Variants in SNX30 observed in about 807,000 individuals in gnomAD.
SNX30 encodes sorting nexin family member 30.
In SNX30, 24 loss-of-function variants were observed where a neutral mutation model predicts 46.4. The observed-to-expected ratio is 0.52, with a 90% CI of 0.37 to 0.73. SNX30 has a LOEUF of 0.73. Ranked by LOEUF, SNX30 falls within the 30% of genes least tolerant of loss-of-function variation. SNX30 has a pLI of 0.00. For missense variants in SNX30, 533 were observed against 555.7 expected (o/e 0.96, Z 0.41); for synonymous variants, 189 against 211.5 (o/e 0.89, Z 0.92).
chr9:112,762,942 C>G (rs1353130341), intron 1 of SNX30, among the ~76,000 whole-genome samples: 1 of 152,212 alleles, frequency 6.6e-6, no homozygotes. Context: ...GCTCTCTTTA[C>G]TCATTGGTTG....
At chr9:112,787,993 G>T (rs1481317415) in intron 1 of SNX30, among the ~76,000 whole-genome samples, 1 of 151,942 alleles carries the variant, frequency 6.6e-6, no homozygotes, top group Non-Finnish European at 1.5e-5. Context: ...TAGAAACAGG[G>T]TTCTACCATA....
At chr9:112,771,239 T>C (rs1033988908) in intron 1 of SNX30, among the ~76,000 whole-genome samples, 4 of 152,182 alleles carry the variant, frequency 2.6e-5, no homozygotes, top group Non-Finnish European at 4.4e-5. Flanking sequence ...TATACAGATA[T>C]TTGGTGACTC....
At chr9:112,783,592 C>T (rs1319981742) in intron 1 of SNX30, among the ~76,000 whole-genome samples, 1 of 152,202 alleles carries the variant, frequency 6.6e-6, no homozygotes, top group East Asian at 1.9e-4. Flanking sequence ...TTTGAGTCAA[C>T]TCATAGTCCA....
At chr9:112,820,657 A>G (rs1344945885) in intron 3 of SNX30, among the ~76,000 whole-genome samples, 3 of 152,184 alleles carry the variant, frequency 2.0e-5, no homozygotes, top group Admixed American at 6.5e-5. Context: ...TATCACCCCA[A>G]AAAGAAACCT....
At chr9:112,795,218 C>G (rs1216208531) in intron 1 of SNX30, among the ~76,000 whole-genome samples, 3 of 152,046 alleles carry the variant, frequency 2.0e-5, no homozygotes, top group Non-Finnish European at 4.4e-5. Context: ...TGATACAGCA[C>G]CAGCCATGTA....
intron 5 of SNX30, among the ~76,000 whole-genome samples, chr9:112,836,926 A>G (rs1401262779): frequency 6.6e-6 from 1 of 151,886 alleles, no homozygotes; most frequent in Admixed American, 6.6e-5. Context: ...GCCTGTATTG[A>G]TCCTTCCTCG....
chr9:112,882,734 G>C (rs547693468), downstream of SNX30, among the ~76,000 whole-genome samples: 1 of 152,066 alleles, frequency 6.6e-6, no homozygotes, highest in Non-Finnish European at 1.5e-5. Flanking sequence ...GGGTGGTGCC[G>C]CCGTTTAATG....
chr9:112,787,079 C>T (rs1341877572), intron 1 of SNX30, among the ~76,000 whole-genome samples: 1 of 152,126 alleles, frequency 6.6e-6, no homozygotes. Flanking sequence ...AGGTGGCGCT[C>T]CAGCCTGGAA....
intron 2 of SNX30, 65 bp from the exon 3 acceptor site, chr9:112,817,640 T>G: frequency 1.0e-6 from 1 of 959,452 alleles, no homozygotes; most frequent in Non-Finnish European, 1.7e-6. Flanking sequence ...AGAGCTTTTT[T>G]CCTTCCCTTC....
intron 2 of SNX30, among the ~76,000 whole-genome samples, chr9:112,813,699 C>G (rs1281841921): frequency 6.6e-6 from 1 of 151,776 alleles, no homozygotes; most frequent in East Asian, 1.9e-4. Context: ...GTCTTGAACT[C>G]CTGACTTCAA....
At chr9:112,868,694 G>A (rs1564298812) in intron 8 of SNX30, 90 bp from the exon 9 acceptor site, 4 of 1,385,294 alleles carry the variant, frequency 2.9e-6, no homozygotes, top group African/African-American at 1.4e-5. Context: ...CAGCAGGATC[G>A]ACAACGAAAG....
intron 3 of SNX30, among the ~76,000 whole-genome samples, chr9:112,823,823 A>G (rs1168908862): frequency 6.6e-6 from 1 of 152,182 alleles, no homozygotes; most frequent in Non-Finnish European, 1.5e-5. Context: ...TCAATGGATA[A>G]GTTAATAAGT....
intron 1 of SNX30, among the ~76,000 whole-genome samples, chr9:112,780,818 A>G (rs1297747792): frequency 1.3e-5 from 2 of 152,198 alleles, no homozygotes; most frequent in Non-Finnish European, 2.9e-5. Context: ...GACAGAGGAA[A>G]AGCACTTGGG....
intron 1 of SNX30, among the ~76,000 whole-genome samples, chr9:112,770,730 G>T (rs988389424): frequency 3.3e-5 from 5 of 151,466 alleles, no homozygotes; most frequent in African/African-American, 1.2e-4. Context: ...GGGCGCGGTG[G>T]CTCACGCCTG....
chr9:112,876,860 C>T (rs1841523852), downstream of SNX30, among the ~76,000 whole-genome samples: 1 of 150,670 alleles, frequency 6.6e-6, no homozygotes, highest in East Asian at 1.9e-4. Flanking sequence ...TGCTTGAACT[C>T]TGGAGGTGGA....
At position 112,817,747 on chromosome 9, in the gene SNX30, C is replaced by T. The variant is rs1779066731; in HGVS notation, c.391C>T (p.Arg131Ter). ...EFDLPEYSVR[R>*]RYQDFDWLRS... Reference sequence around the variant, plus strand: ...TGACCTGCCAGAATATTCTGTTCGTCGAAGATACCAGGATTTTGACTGGTT... The same window carrying T: ...TGACCTGCCAGAATATTCTGTTCGTTGAAGATACCAGGATTTTGACTGGTT... The change falls in exon 3 of 9, where the codon CGA (arginine) becomes TGA (stop). Residue 131 changes from arginine (R) to a stop codon, truncating the protein, a stop_gained. Coordinates refer to ENST00000374232, the MANE Select transcript of SNX30 (RefSeq NM_001012994.2). LOFTEE classifies it high-confidence loss of function. 1.9e-6 allele frequency: 3 copies of T among 1,613,706 alleles called. No individual in the cohort carries two copies. Among genetic ancestry groups the T allele is most frequent in the Non-Finnish European group, 2.5e-6 (3 of 1,179,750 alleles).
chr9:112,797,711 C>CTTTTTTT (rs71384277), intron 1 of SNX30, among the ~76,000 whole-genome samples: 385 of 121,114 alleles, frequency 3.2e-3, no homozygotes, highest in Non-Finnish European at 4.1e-3. Flanking sequence ...TTTTCTTTTT[C>CTTTTTTT]TTTTTTTTTT....
chr9:112,806,630 T>A (rs1334199385), intron 2 of SNX30, among the ~76,000 whole-genome samples: 1 of 152,212 alleles, frequency 6.6e-6, no homozygotes, highest in Non-Finnish European at 1.5e-5. Flanking sequence ...TTGTGTTTCT[T>A]CATCTCTTAT....
chr9:112,884,748 C>T (rs1712822450), downstream of SNX30, among the ~76,000 whole-genome samples: 1 of 152,212 alleles, frequency 6.6e-6, no homozygotes, highest in Non-Finnish European at 1.5e-5. Flanking sequence ...CTTGTATCTT[C>T]CCATTGCTTT....
Sources: allele counts gnomAD v4.1 joint callset (sites outside exome capture counted in the v4.1 genomes callset), GRCh38; gene constraint gnomAD v4.1.1; transcripts MANE v1.5; gene names NCBI Gene and HGNC (gene_info 2026-07-23, HGNC 2026-07-21).